Variants in LRRC4C observed in about 807,000 individuals in gnomAD.
LRRC4C encodes leucine rich repeat containing 4C.
LRRC4C carries 5 observed loss-of-function variants against 33.6 expected under a neutral mutation model. The observed-to-expected ratio is 0.15, with a 90% confidence interval of 0.08 to 0.31. The LOEUF (loss-of-function observed/expected upper bound fraction) is 0.31, where lower values mean the gene tolerates loss of function less well. Among genes scored for constraint, LRRC4C ranks in the 10% least tolerant of loss-of-function variants. The pLI, the probability that LRRC4C is intolerant of heterozygous loss-of-function variation, is 1.00. For synonymous variants in LRRC4C, 329 were observed against 302.0 expected, an observed-to-expected ratio of 1.09 and a Z score of -0.93; for missense variants, 560 against 796.7, an observed-to-expected ratio of 0.70 and a Z score of 3.58.
intron 1 of LRRC4C, among the ~76,000 whole-genome samples, chr11:41,431,558 A>G (rs1955234451): frequency 6.6e-6 from 1 of 152,062 alleles, no homozygotes; most frequent in Non-Finnish European, 1.5e-5. Context: ...ATGTTTCCAT[A>G]TATGACTATA....
At chr11:40,992,040 T>C (rs1045438630) in intron 1 of LRRC4C, among the ~76,000 whole-genome samples, 3 of 152,208 alleles carry the variant, frequency 2.0e-5, no homozygotes, top group Non-Finnish European at 2.9e-5. Flanking sequence ...ATATTTCACA[T>C]TGAAATTAAC....
intron 1 of LRRC4C, among the ~76,000 whole-genome samples, chr11:41,234,704 A>T (rs2136490357): frequency 6.6e-6 from 1 of 152,184 alleles, no homozygotes; most frequent in East Asian, 1.9e-4. Flanking sequence ...TTTGAAGAGA[A>T]AGCTCAAGAA....
At chr11:40,824,364 T>A (rs1952069197) in intron 2 of LRRC4C, among the ~76,000 whole-genome samples, 1 of 151,906 alleles carries the variant, frequency 6.6e-6, no homozygotes, top group African/African-American at 2.4e-5. Flanking sequence ...TAGATTAAAA[T>A]TTTTAAAAGT....
At chr11:40,502,105 C>A (rs886596738) in intron 3 of LRRC4C, among the ~76,000 whole-genome samples, 1 of 152,166 alleles carries the variant, frequency 6.6e-6, no homozygotes, top group South Asian at 2.1e-4. Flanking sequence ...GTCACCTTTG[C>A]TCTAGTTCCC....
chr11:41,099,278 T>C (rs966760278), intron 1 of LRRC4C, among the ~76,000 whole-genome samples: 2 of 151,798 alleles, frequency 1.3e-5, no homozygotes, highest in Non-Finnish European at 2.9e-5. Context: ...GCTGATACCA[T>C]TCCGACTGAA....
chr11:40,941,662 CAT>C (rs1468059359), intron 1 of LRRC4C, among the ~76,000 whole-genome samples: 2 of 152,070 alleles, frequency 1.3e-5, no homozygotes, highest in African/African-American at 2.4e-5. Context: ...GAAGTAAACA[CAT>C]AGTTTTGATT....
At chr11:41,136,703 A>G (rs1943277453) in intron 1 of LRRC4C, among the ~76,000 whole-genome samples, 1 of 151,760 alleles carries the variant, frequency 6.6e-6, no homozygotes. Flanking sequence ...ATCTCGTTAG[A>G]CTCGAGTTGC....
At chr11:40,947,607 T>G (rs1011493145) in intron 1 of LRRC4C, among the ~76,000 whole-genome samples, 1 of 152,130 alleles carries the variant, frequency 6.6e-6, no homozygotes, top group Non-Finnish European at 1.5e-5. Context: ...CAAGCCATAC[T>G]AGTTTCCTCA....
Position 41,122,523 on chromosome 11 carries a change from A to G in LRRC4C, c.-495-188800T>C, listed in dbSNP as rs569337182. Among the ~76,000 whole-genome samples the G allele has an allele frequency of 6.6e-5, 10 of 152,148 alleles. No homozygotes were observed. The South Asian group carries it at 2.1e-3, about 32-fold the overall frequency. ...ATATTATAAATTAGAAGAGATCTGG[A>G]TCACTTATTTTTAAAATCATAACTT... On this transcript the variant is annotated intron_variant, in intron 1 of 6. Coordinates refer to ENST00000528697, the MANE Select transcript of LRRC4C (RefSeq NM_001258419.2).
chr11:40,924,197 G>A (rs1396304675), intron 2 of LRRC4C, among the ~76,000 whole-genome samples: 1 of 151,576 alleles, frequency 6.6e-6, no homozygotes, highest in Non-Finnish European at 1.5e-5. Context: ...CAAGGATCCA[G>A]TCCAAAGTAT....
At chr11:40,421,648 CT>C (rs1469610541) in intron 3 of LRRC4C, among the ~76,000 whole-genome samples, 1 of 152,194 alleles carries the variant, frequency 6.6e-6, no homozygotes, top group African/African-American at 2.4e-5. Context: ...CGACCCACAA[CT>C]TTTTCTTTTC....
chr11:40,881,345 A>C (rs1469374999), intron 2 of LRRC4C, among the ~76,000 whole-genome samples: 1 of 152,182 alleles, frequency 6.6e-6, no homozygotes, highest in Non-Finnish European at 1.5e-5. Flanking sequence ...AATCTAGGAC[A>C]CATGTCTTAC....
At chr11:41,303,970 G>GC (rs1950372973) in intron 1 of LRRC4C, among the ~76,000 whole-genome samples, 1 of 91,988 alleles carries the variant, frequency 1.1e-5, no homozygotes, top group Non-Finnish European at 2.5e-5. Flanking sequence ...TCTCCGCCCG[G>GC]CAGCCACCCC....
intron 1 of LRRC4C, among the ~76,000 whole-genome samples, chr11:41,034,922 A>AT (rs1159950141): frequency 6.7e-6 from 1 of 149,458 alleles, no homozygotes; most frequent in African/African-American, 2.4e-5. Flanking sequence ...TGTAATTTTG[A>AT]TTTTTTGGGG....
intron 1 of LRRC4C, among the ~76,000 whole-genome samples, chr11:41,197,243 AC>A (rs1436411416): frequency 2.0e-5 from 3 of 152,002 alleles, no homozygotes; most frequent in African/African-American, 7.2e-5. Context: ...AATAAGACAC[AC>A]TATTTTAGAG....
chr11:40,125,844 C>T (rs946388793), intron 6 of LRRC4C, among the ~76,000 whole-genome samples: 2 of 152,162 alleles, frequency 1.3e-5, no homozygotes, highest in African/African-American at 4.8e-5. Flanking sequence ...AAAGGTAACA[C>T]ACTTCTTCAA....
intron 1 of LRRC4C, among the ~76,000 whole-genome samples, chr11:41,145,157 T>G (rs1315975686): frequency 6.6e-6 from 1 of 152,170 alleles, no homozygotes; most frequent in Non-Finnish European, 1.5e-5. Flanking sequence ...TTATAGCTTT[T>G]TCTATTATAG....
chr11:41,217,830 C>A (rs35842842), intron 1 of LRRC4C, among the ~76,000 whole-genome samples: 64,516 of 151,904 alleles, frequency 0.42, 16,691 homozygotes, highest in South Asian at 0.62. Context: ...CACTTCTACC[C>A]TGCATTAAAA....
intron 2 of LRRC4C, among the ~76,000 whole-genome samples, chr11:40,902,056 G>C (rs1478366932): frequency 7.0e-6 from 1 of 143,480 alleles, no homozygotes; most frequent in Admixed American, 7.0e-5. Flanking sequence ...ACCTCTTTTT[G>C]TTGAGCTTTG....
Sources: gnomAD v4.1 joint callset for allele counts (sites outside exome capture counted in the v4.1 genomes callset) on GRCh38, gnomAD v4.1.1 for gene constraint, MANE v1.5 for transcripts, NCBI Gene and HGNC (gene_info 2026-07-23, HGNC 2026-07-21) for gene names.